Variants in ITPR2 observed in about 807,000 individuals in gnomAD.
ITPR2 encodes inositol 1,4,5-trisphosphate receptor type 2, also known as inositol 1,4,5-trisphosphate-gated calcium channel ITPR2.
A neutral mutation model predicts 317.1 loss-of-function variants in ITPR2; 207 were observed. The ratio of observed to expected loss-of-function variants is 0.65; its 90% CI spans 0.58 to 0.73. The LOEUF (loss-of-function observed/expected upper bound fraction) is 0.73, where lower values mean the gene tolerates loss of function less well. ITPR2 is among the 30% of genes least tolerant of loss of function. The probability of loss-of-function intolerance (pLI) is 0.00; values close to 1 mark genes in which losing one functional copy is unlikely to be tolerated. For synonymous variants in ITPR2, 1,156 were observed against 1,149.1 expected, an observed-to-expected ratio of 1.01 and a Z score of -0.12; for missense variants, 2,613 against 3,284.0, an observed-to-expected ratio of 0.80 and a Z score of 4.99.
At chr12:26,815,671 T>C (rs111464876) in intron 1 of ITPR2, among the ~76,000 whole-genome samples, 1,592 of 151,790 alleles carry the variant, frequency 0.01, 22 homozygotes, top group African/African-American at 0.036. Context: ...AAAAGATAAA[T>C]ATAACTACCT....
chr12:26,449,558 A>G (rs572740758), intron 45 of ITPR2, among the ~76,000 whole-genome samples: 1 of 152,350 alleles, frequency 6.6e-6, no homozygotes, highest in East Asian at 1.9e-4. Context: ...ATACAAGGAA[A>G]AATGAGGGCA....
intron 32 of ITPR2, among the ~76,000 whole-genome samples, chr12:26,583,531 T>G (rs1286598413): frequency 6.6e-6 from 1 of 152,112 alleles, no homozygotes; most frequent in African/African-American, 2.4e-5. Flanking sequence ...AAAAACTCCC[T>G]CTTAAAAAGA....
chr12:26,624,167 C>T, intron 24 of ITPR2, 132 bp downstream of exon 24: 2 of 622,236 alleles, frequency 3.2e-6, no homozygotes, highest in African/African-American at 3.9e-5. Context: ...TCATTTCTGG[C>T]AGAAATTATG....
intron 45 of ITPR2, among the ~76,000 whole-genome samples, chr12:26,462,352 G>A (rs1192166315): frequency 6.6e-6 from 1 of 151,978 alleles, no homozygotes; most frequent in Non-Finnish European, 1.5e-5. Context: ...TTTTTATTAG[G>A]TTGGTGCAAA....
chr12:26,730,648 T>G (rs1949011049), intron 2 of ITPR2, among the ~76,000 whole-genome samples: 1 of 152,202 alleles, frequency 6.6e-6, no homozygotes, highest in South Asian at 2.1e-4. Flanking sequence ...AGACATATGT[T>G]CAGTCAGACA....
intron 37 of ITPR2, among the ~76,000 whole-genome samples, chr12:26,537,751 T>C (rs575339797): frequency 5.3e-5 from 8 of 152,342 alleles, no homozygotes; most frequent in Admixed American, 3.9e-4. Context: ...ATAGTCTATA[T>C]TGAGTTTTAA....
At chr12:26,787,137 G>C in intron 2 of ITPR2, among the ~76,000 whole-genome samples, 1 of 152,058 alleles carries the variant, frequency 6.6e-6, no homozygotes, top group South Asian at 2.1e-4. Context: ...CTGTTAAGAA[G>C]GCCAGGGCAG....
chr12:26,696,706 AT>A (rs1948358987), intron 9 of ITPR2, among the ~76,000 whole-genome samples: 2 of 152,218 alleles, frequency 1.3e-5, no homozygotes, highest in Admixed American at 1.3e-4. Flanking sequence ...AGTTTTTATC[AT>A]GTGGCAAACT....
chr12:26,381,098 C>T (rs149311933), intron 55 of ITPR2, among the ~76,000 whole-genome samples: 45 of 152,288 alleles, frequency 3.0e-4, no homozygotes, highest in Admixed American at 7.2e-4. Context: ...GAGGGAGAGG[C>T]TGGGTTGGAG....
intron 2 of ITPR2, among the ~76,000 whole-genome samples, chr12:26,785,487 GC>G (rs1950216828): frequency 1.5e-5 from 1 of 68,302 alleles, no homozygotes; most frequent in Non-Finnish European, 3.6e-5. Flanking sequence ...GGGCGCCTCT[GC>G]CCGGCCGCCC....
chr12:26,340,355 AAGG>A lies in ITPR2; in HGVS notation c.7858-30_7858-28del, dbSNP rs542668536. On this transcript the variant is annotated intron_variant, in intron 55 of 56. Transcript: ENST00000381340. ...TGAAAGCAAATAAATGTGTGCGAAC[AAGG>A]GAATAAGTATGGAAGGGGAGAATGT... is the stretch of plus-strand genomic sequence containing the variant. 74 of 1,568,506 alleles carry A rather than the reference AAGG, an allele frequency of 4.7e-5. No individual in the cohort carries two copies. In the African/African-American group the frequency reaches 8.8e-4, roughly 19 times the overall value.
At chr12:26,619,958 A>C (rs1946456535) in intron 26 of ITPR2, among the ~76,000 whole-genome samples, 1 of 152,178 alleles carries the variant, frequency 6.6e-6, no homozygotes, top group African/African-American at 2.4e-5. Flanking sequence ...AGTCACACAT[A>C]TACCAAGTGG....
chr12:26,415,039 T>C (rs1940675580), intron 51 of ITPR2, among the ~76,000 whole-genome samples: 2 of 152,098 alleles, frequency 1.3e-5, no homozygotes, highest in Admixed American at 6.6e-5. Context: ...TCTTTTGGAA[T>C]ATAGTCAGCT....
intron 34 of ITPR2, among the ~76,000 whole-genome samples, chr12:26,567,992 ATAT>A (rs1197026243): frequency 3.7e-4 from 2 of 5,380 alleles, no homozygotes; most frequent in Non-Finnish European, 2.1e-3. Context: ...ATATATATAT[ATAT>A]ATTATATATA....
At chr12:26,378,944 C>T (rs1436759421) in intron 55 of ITPR2, among the ~76,000 whole-genome samples, 1 of 152,184 alleles carries the variant, frequency 6.6e-6, no homozygotes, top group East Asian at 1.9e-4. Context: ...CTACTCCCTG[C>T]CCTGTGGACT....
chr12:26,544,675 C>A (rs1397485551), intron 37 of ITPR2, among the ~76,000 whole-genome samples: 1 of 150,106 alleles, frequency 6.7e-6, no homozygotes, highest in Admixed American at 6.7e-5. Flanking sequence ...TAGTAATTTT[C>A]TTTTAAGTTG....
At chr12:26,658,191 A>T (rs1298983545) in intron 16 of ITPR2, 61 bp from the exon 17 acceptor site, 4 of 1,165,632 alleles carry the variant, frequency 3.4e-6, no homozygotes, top group Non-Finnish European at 4.7e-6. Flanking sequence ...AAGCATCACA[A>T]TAAAGACATA....
chr12:26,528,226 C>T (rs2136953771), intron 37 of ITPR2, among the ~76,000 whole-genome samples: 1 of 152,334 alleles, frequency 6.6e-6, no homozygotes, highest in South Asian at 2.1e-4. Flanking sequence ...ATTCCTATGA[C>T]TTTCAATGGT....
intron 6 of ITPR2, 27 bp from the exon 7 acceptor site, chr12:26,715,862 A>G: frequency 1.4e-6 from 2 of 1,440,002 alleles, no homozygotes; most frequent in Non-Finnish European, 9.8e-7. Flanking sequence ...GTTCAAAGTT[A>G]TAAGACTACA....
Sources: allele counts gnomAD v4.1 joint callset (sites outside exome capture counted in the v4.1 genomes callset), GRCh38; gene constraint gnomAD v4.1.1; transcripts MANE v1.5; gene names NCBI Gene and HGNC (gene_info 2026-07-23, HGNC 2026-07-21).